The following TIMM23B variants were observed in gnomAD, a reference collection of about 807,000 sequenced individuals.
TIMM23B encodes mitochondrial import inner membrane translocase subunit Tim23B.
Under a neutral mutation model 27.3 loss-of-function variants are expected in TIMM23B, and 27 were observed. The ratio of observed to expected loss-of-function variants is 0.99; its 90% CI spans 0.73 to 1.36. TIMM23B has a LOEUF of 1.36. Ranked by LOEUF, TIMM23B falls within the 40% of genes most tolerant of loss-of-function variation. The pLI is 0.00. For synonymous variants in TIMM23B, 73 were observed against 92.4 expected, an observed-to-expected ratio of 0.79 and a Z score of 1.21; for missense variants, 205 against 244.2, an observed-to-expected ratio of 0.84 and a Z score of 1.07.
chr10:49,952,405 A>G lies in TIMM23B; in HGVS notation c.260-44A>G, dbSNP rs1839561914. The G allele has an allele frequency of 8.3e-6, 13 of 1,574,870 alleles. No individual in the cohort carries two copies. In the South Asian group the frequency reaches 8.3e-5, roughly 10 times the overall value. On this transcript the variant is annotated intron_variant, in intron 3 of 6. Coordinates refer to ENST00000651259, the MANE Select transcript of TIMM23B (RefSeq NM_001290117.2). ...TATGCAGTTTTGAGGTTTTTTTTTTAATATAAAGCTGTCTTATCTGGGTGA... is the reference window on the plus strand; with the variant it reads ...TATGCAGTTTTGAGGTTTTTTTTTTGATATAAAGCTGTCTTATCTGGGTGA...
At chr10:49,970,888 AGG>A (rs1295814512) in intron 6 of TIMM23B, among the ~76,000 whole-genome samples, 2 of 152,220 alleles carry the variant, frequency 1.3e-5, no homozygotes, top group African/African-American at 2.4e-5. Context: ...TGAATAGAAA[AGG>A]GGGAAATGTG....
At chr10:49,946,185 G>A (rs1362785331) in intron 2 of TIMM23B, among the ~76,000 whole-genome samples, 126,105 of 139,628 alleles carry the variant, frequency 0.9, 57,443 homozygotes, top group African/African-American at 0.95. Context: ...GTAAGACCCT[G>A]TCTCTAAATA....
intron 6 of TIMM23B, among the ~76,000 whole-genome samples, chr10:49,972,439 CA>C (rs1554856760): frequency 6.6e-6 from 1 of 150,708 alleles, no homozygotes; most frequent in African/African-American, 2.4e-5. Flanking sequence ...TCATTCTTTC[CA>C]CACACAAGAT....
chr10:49,946,717 A>G (rs1278548400), intron 2 of TIMM23B, among the ~76,000 whole-genome samples: 2 of 149,772 alleles, frequency 1.3e-5, no homozygotes, highest in African/African-American at 4.9e-5. Flanking sequence ...AAATTTTAAT[A>G]TTAAAATGGC....
chr10:49,947,563 C>T (rs1435247340), intron 2 of TIMM23B, among the ~76,000 whole-genome samples: 8 of 151,854 alleles, frequency 5.3e-5, no homozygotes, highest in Non-Finnish European at 1.0e-4. Context: ...GAGCCGAGAT[C>T]GCACCACCCG....
chr10:49,963,178 G>C (rs1386719430), intron 6 of TIMM23B, among the ~76,000 whole-genome samples: 12 of 152,120 alleles, frequency 7.9e-5, no homozygotes, highest in African/African-American at 2.7e-4. Context: ...GGGCGATAGA[G>C]CGAGTCTGTC....
chr10:49,953,715 A>G (rs1839616828), intron 4 of TIMM23B, among the ~76,000 whole-genome samples: 1 of 152,092 alleles, frequency 6.6e-6, no homozygotes, highest in African/African-American at 2.4e-5. Flanking sequence ...AGATCCTTCA[A>G]TATTTTTATT....
intron 6 of TIMM23B, among the ~76,000 whole-genome samples, chr10:49,959,492 A>C (rs1285931640): frequency 6.6e-6 from 1 of 152,170 alleles, no homozygotes; most frequent in Non-Finnish European, 1.5e-5. Flanking sequence ...AGTAATGCCT[A>C]ATTTAGCTTT....
At chr10:49,971,635 T>C (rs1425618013) in intron 6 of TIMM23B, among the ~76,000 whole-genome samples, 2 of 152,202 alleles carry the variant, frequency 1.3e-5, no homozygotes, top group African/African-American at 4.8e-5. Context: ...AATCCTGTAT[T>C]GCCATTGAGC....
At chr10:49,966,580 C>T (rs1840170817) in intron 6 of TIMM23B, among the ~76,000 whole-genome samples, 1 of 152,014 alleles carries the variant, frequency 6.6e-6, no homozygotes, top group Admixed American at 6.6e-5. Flanking sequence ...AATCCTAGCA[C>T]TTTGGGAGGC....
In TIMM23B at chr10:49,942,089, T is replaced by G. The variant is rs1159531570; in HGVS notation, c.-106T>G. 29 of 1,353,692 alleles carry G rather than the reference T, an allele frequency of 2.1e-5. No individual in the cohort carries two copies. The African/African-American group carries it at 2.9e-4, about 14-fold the overall frequency. 83.9% of individuals were successfully genotyped at this position (1,353,692 alleles called of 1,614,324 possible). ...GCGCCCGGAATGTCAGCGTGTGAAG[T>G]AGGCGCTGGCAACGCGGGGTTACCC... On this transcript the variant is annotated 5_prime_UTR_variant, in exon 1 of 7. Transcript: ENST00000651259.
intron 2 of TIMM23B, among the ~76,000 whole-genome samples, chr10:49,950,646 A>G (rs1223226861): frequency 3.3e-5 from 5 of 151,172 alleles, no homozygotes; most frequent in African/African-American, 9.7e-5. Context: ...GGTTCAAGCA[A>G]TTCTCCTGCC....
chr10:49,948,991 G>A (rs1486727786), intron 2 of TIMM23B, among the ~76,000 whole-genome samples: 4 of 151,876 alleles, frequency 2.6e-5, no homozygotes, highest in African/African-American at 9.7e-5. Flanking sequence ...AGGCTCAAGC[G>A]GTCCTTCTGC....
In TIMM23B at chr10:49,970,908, GAT is replaced by G. The variant is rs1163585115; in HGVS notation, c.515-2102_515-2101del. Among the ~76,000 whole-genome samples the G allele has an allele frequency of 2.0e-5, 3 of 152,350 alleles. No homozygotes were observed. The East Asian group carries it at 5.8e-4, about 29-fold the overall frequency. On this transcript the variant is annotated intron_variant, in intron 6 of 6. Coordinates refer to ENST00000651259, the MANE Select transcript of TIMM23B (RefSeq NM_001290117.2). Reference sequence around the variant, plus strand: ...AGAAAAGGGGGAAATGTGGGGAAAAGATAGAGAAATCGGATTGTTGCTGTGTC... The same window carrying G: ...AGAAAAGGGGGAAATGTGGGGAAAAGAGAGAAATCGGATTGTTGCTGTGTC...
intron 6 of TIMM23B, among the ~76,000 whole-genome samples, chr10:49,965,077 G>A (rs1840080458): frequency 6.6e-6 from 1 of 152,050 alleles, no homozygotes; most frequent in South Asian, 2.1e-4. Flanking sequence ...AAAATTAGCC[G>A]GGCATGATGG....
At chr10:49,967,704 AG>A (rs1840225670) in intron 6 of TIMM23B, among the ~76,000 whole-genome samples, 1 of 152,338 alleles carries the variant, frequency 6.6e-6, no homozygotes, top group East Asian at 1.9e-4. Flanking sequence ...TACTACTGCA[AG>A]AAGGTCCTTG....
At chr10:49,948,908 A>G (rs1197535501) in intron 2 of TIMM23B, among the ~76,000 whole-genome samples, 1 of 152,138 alleles carries the variant, frequency 6.6e-6, no homozygotes, top group Non-Finnish European at 1.5e-5. Flanking sequence ...TTTCTAAGAG[A>G]CAAAGTCTCA....
intron 5 of TIMM23B, among the ~76,000 whole-genome samples, chr10:49,957,935 A>G (rs1839779826): frequency 1.3e-5 from 2 of 152,128 alleles, no homozygotes; most frequent in Non-Finnish European, 2.9e-5. Flanking sequence ...CTTCCTGGGT[A>G]TGGGGTACGA....
At chr10:49,954,538 CTT>C (rs1839648661) in intron 4 of TIMM23B, 2 of 161,168 alleles carry the variant, frequency 1.2e-5, no homozygotes, top group African/African-American at 4.8e-5. Flanking sequence ...CTTTGATTAT[CTT>C]TAACATTCTA....
Sources: allele counts gnomAD v4.1 joint callset (sites outside exome capture counted in the v4.1 genomes callset), GRCh38; gene constraint gnomAD v4.1.1; transcripts MANE v1.5; gene names NCBI Gene and HGNC (gene_info 2026-07-23, HGNC 2026-07-21).